TENM1: variants seen among roughly 807,000 people sequenced by gnomAD.
TENM1 encodes the protein teneurin-1.
A neutral mutation model predicts 174.8 loss-of-function variants in TENM1; 35 were observed. The ratio of observed to expected loss-of-function variants is 0.20; its 90% CI spans 0.15 to 0.27. The LOEUF is 0.27. Among genes scored for constraint, TENM1 ranks in the 10% least tolerant of loss-of-function variants. TENM1 has a pLI of 1.00. For synonymous variants in TENM1, 781 were observed against 798.7 expected, an observed-to-expected ratio of 0.98 and a Z score of 0.37; for missense variants, 1,633 against 2,130.1, an observed-to-expected ratio of 0.77 and a Z score of 4.59.
intron 11 of TENM1, among the ~76,000 whole-genome samples, chrX:124,584,505 AG>A (rs375918788): frequency 0.14 from 15,936 of 110,489 alleles, 870 homozygotes; most frequent in East Asian, 0.21. Flanking sequence ...TGTCACCACC[AG>A]GCCTGCCCTA....
At chrX:125,185,732 T>C in the TENM1 span, among the ~76,000 whole-genome samples, 3 of 111,972 alleles carry the variant, frequency 2.7e-5, no homozygotes, top group African/African-American at 9.7e-5. Context: ...TAGGCCAAAT[T>C]ATCCTTCAAA....
At chrX:124,884,157 A>G (rs2057346199) in intron 3 of TENM1, among the ~76,000 whole-genome samples, 1 of 111,249 alleles carries the variant, frequency 9.0e-6, no homozygotes, top group Non-Finnish European at 1.9e-5. Flanking sequence ...GGGTGCTTGC[A>G]AATGCAAGAG....
At chrX:125,175,160 T>C in the TENM1 span, among the ~76,000 whole-genome samples, 229 of 110,963 alleles carry the variant, frequency 2.1e-3, 1 homozygote, top group African/African-American at 6.5e-3. Context: ...CCTAAGATTA[T>C]CTATGTCCTC....
At chrX:124,461,370 G>A (rs1010249378) in intron 22 of TENM1, among the ~76,000 whole-genome samples, 1 of 111,689 alleles carries the variant, frequency 9.0e-6, no homozygotes, top group African/African-American at 3.3e-5. Context: ...ACTATCATAT[G>A]ATCTAGCAAT....
At chrX:124,420,277 C>G in intron 25 of TENM1, 34 bp downstream of exon 28, 2 of 1,163,747 alleles carry the variant, frequency 1.7e-6, no homozygotes, top group East Asian at 3.0e-5. Context: ...AAATAAAAAC[C>G]TAACAAAGCC....
chrX:124,843,364 T>TA (rs1371977564), intron 3 of TENM1, among the ~76,000 whole-genome samples: 1 of 111,750 alleles, frequency 8.9e-6, no homozygotes, highest in Non-Finnish European at 1.9e-5. Context: ...CTAGAGCCAC[T>TA]TGTTGTTACT....
At chrX:124,575,415 T>A (rs1196648924) in intron 11 of TENM1, among the ~76,000 whole-genome samples, 2 of 112,026 alleles carry the variant, frequency 1.8e-5, no homozygotes, top group Non-Finnish European at 3.8e-5. Flanking sequence ...ATACAAAATG[T>A]CAGCTAGCTT....
Position 124,875,092 on chromosome X carries a change from G to T in TENM1, c.535+19204C>A, listed in dbSNP as rs180712665. Among the ~76,000 whole-genome samples the T allele has an allele frequency of 1.5e-3, 166 of 111,263 alleles. 1 individual carries two copies. The highest frequency in any genetic ancestry group is 5.0e-3 in the African/African-American group (154 of 30,691). ...ACCAATTGATATTTTGTTATTGAAG[G>T]CATGTTAAAATGATAGATTAAGGGG... On this transcript the variant is annotated intron_variant, in intron 3 of 31. Coordinates refer to ENST00000422452, the Ensembl canonical transcript of TENM1.
intron 1 of TENM1, among the ~76,000 whole-genome samples, chrX:124,938,271 T>C (rs768122377): frequency 3.1e-4 from 35 of 112,226 alleles, no homozygotes; most frequent in African/African-American, 1.1e-3. Flanking sequence ...ACAATTTCAA[T>C]TGAAGTTCAA....
exon 32 of TENM1, chrX:124,380,515 G>A (rs755170936): frequency 2.7e-5 from 31 of 1,165,756 alleles, no homozygotes; most frequent in Non-Finnish European, 3.4e-5. Context: ...CTTTGGTGAC[G>A]CAAAGGCAGA....
the TENM1 span, among the ~76,000 whole-genome samples, chrX:125,033,778 A>G: frequency 9.0e-6 from 1 of 110,934 alleles, no homozygotes; most frequent in Non-Finnish European, 1.9e-5. Flanking sequence ...TACATGGCAG[A>G]AGAAAAATTT....
chrX:125,138,679 G>A, the TENM1 span, among the ~76,000 whole-genome samples: 1 of 110,990 alleles, frequency 9.0e-6, no homozygotes, highest in South Asian at 3.9e-4. Context: ...GTGACTGGAA[G>A]CAGGCATGAG....
intron 20 of TENM1, among the ~76,000 whole-genome samples, chrX:124,490,090 T>A (rs1186994533): frequency 1.8e-5 from 2 of 112,152 alleles, no homozygotes; most frequent in East Asian, 5.6e-4. Flanking sequence ...ATCAAGGGAC[T>A]CGTGAATGCT....
chrX:124,671,740 T>C, exon 6 of TENM1: 1 of 1,210,673 alleles, frequency 8.3e-7, no homozygotes, highest in Non-Finnish European at 1.1e-6. Context: ...GTAGTGTCCA[T>C]GGACTCGGTC....
At chrX:124,674,359 T>C (rs1221702620) in intron 5 of TENM1, among the ~76,000 whole-genome samples, 1 of 106,837 alleles carries the variant, frequency 9.4e-6, no homozygotes, top group Non-Finnish European at 1.9e-5. Flanking sequence ...ATTTCGTATT[T>C]CTCTTTGTGT....
At chrX:124,931,614 CAT>C (rs2058172766) in intron 1 of TENM1, among the ~76,000 whole-genome samples, 1 of 111,518 alleles carries the variant, frequency 9.0e-6, no homozygotes, top group South Asian at 3.8e-4. Flanking sequence ...AGAGTAACCA[CAT>C]AAGATTTCAC....
chrX:124,609,302 G>T (rs755878785), intron 11 of TENM1, among the ~76,000 whole-genome samples: 1 of 111,134 alleles, frequency 9.0e-6, no homozygotes, highest in Non-Finnish European at 1.9e-5. Flanking sequence ...CATAGTCGCT[G>T]AAGAAAAAAA....
At chrX:124,870,457 A>G (rs1217018556) in intron 3 of TENM1, among the ~76,000 whole-genome samples, 1 of 111,849 alleles carries the variant, frequency 8.9e-6, no homozygotes, top group Non-Finnish European at 1.9e-5. Context: ...GGGTAAAGGT[A>G]TTAAGAGTTC....
At chrX:124,849,775 G>A (rs944595352) in intron 3 of TENM1, among the ~76,000 whole-genome samples, 8 of 111,418 alleles carry the variant, frequency 7.2e-5, no homozygotes, top group Non-Finnish European at 1.5e-4. Context: ...TTTTTTACAC[G>A]GCAGTGAAAA....
Sources: gnomAD v4.1 joint callset for allele counts (sites outside exome capture counted in the v4.1 genomes callset) on GRCh38, gnomAD v4.1.1 for gene constraint, MANE v1.5 for transcripts, NCBI Gene and HGNC (gene_info 2026-07-23, HGNC 2026-07-21) for gene names.